The following LEUTX variants were observed in gnomAD, a reference collection of about 807,000 sequenced individuals.
LEUTX encodes the protein leucine twenty homeobox, also known as paired-like homeodomain transcription factor LEUTX.
In LEUTX, 5 loss-of-function variants were observed where a neutral mutation model predicts 4.5. The observed-to-expected ratio is 1.11, with a 90% CI of 0.58 to 2.34. The LOEUF (loss-of-function observed/expected upper bound fraction) is 2.34. LEUTX is among the 30% of genes most tolerant of loss of function. The probability of loss-of-function intolerance (pLI) is 0.01; values close to 1 mark genes in which losing one functional copy is unlikely to be tolerated. For missense variants in LEUTX, 233 were observed against 239.4 expected (o/e 0.97, Z 0.18); for synonymous variants, 89 against 85.1 (o/e 1.05, Z -0.25).
chr19:39,778,272 C>A (rs1319408449), upstream of LEUTX, among the ~76,000 whole-genome samples: 1 of 152,202 alleles, frequency 6.6e-6, no homozygotes, highest in Non-Finnish European at 1.5e-5. Flanking sequence ...GCTGAAAACT[C>A]GTTATGGGCT....
intron 1 of LEUTX, among the ~76,000 whole-genome samples, chr19:39,780,794 A>G (rs753453505): frequency 9.2e-5 from 14 of 152,014 alleles, no homozygotes; most frequent in Non-Finnish European, 1.9e-4. Context: ...TTGATGTATG[A>G]GTGCAATATC....
At chr19:39,780,456 G>A (rs1264547411) in intron 1 of LEUTX, among the ~76,000 whole-genome samples, 1 of 151,938 alleles carries the variant, frequency 6.6e-6, no homozygotes, top group Non-Finnish European at 1.5e-5. Flanking sequence ...TGTGCTCATC[G>A]TGGAATGTCT....
chr19:39,784,793 T>C, intron 2 of LEUTX, 115 bp downstream of exon 2: 1 of 703,228 alleles, frequency 1.4e-6, no homozygotes, highest in South Asian at 2.1e-5. Flanking sequence ...TAAGGACAGA[T>C]GTTAAGCACT....
intron 1 of LEUTX, among the ~76,000 whole-genome samples, chr19:39,780,734 T>C (rs1000831814): frequency 1.3e-5 from 2 of 152,178 alleles, no homozygotes; most frequent in African/African-American, 2.4e-5. Flanking sequence ...TAGCTACTGA[T>C]TTCAAAGAAC....
At chr19:39,778,173 A>C (rs1425232810), upstream of LEUTX, among the ~76,000 whole-genome samples, 1 of 152,182 alleles carries the variant, frequency 6.6e-6, no homozygotes, top group Non-Finnish European at 1.5e-5. Flanking sequence ...AGGTGGAGTA[A>C]ATGAGTAACA....
chr19:39,783,618 C>T (rs895706158), intron 1 of LEUTX, among the ~76,000 whole-genome samples: 2 of 151,940 alleles, frequency 1.3e-5, no homozygotes, highest in African/African-American at 4.8e-5. Context: ...ACACTGCCAC[C>T]AGCAGTGTAG....
At chr19:39,779,625 C>G (rs925157358) in intron 1 of LEUTX, among the ~76,000 whole-genome samples, 5 of 152,084 alleles carry the variant, frequency 3.3e-5, no homozygotes, top group Non-Finnish European at 5.9e-5. Context: ...TTTCAATTTA[C>G]TTATGAGTAC....
At chr19:39,785,044 G>T (rs1160506177) in intron 2 of LEUTX, among the ~76,000 whole-genome samples, 1 of 152,124 alleles carries the variant, frequency 6.6e-6, no homozygotes, top group African/African-American at 2.4e-5. Flanking sequence ...TCATCCAGAT[G>T]CCTGTCACTA....
intron 1 of LEUTX, among the ~76,000 whole-genome samples, chr19:39,782,118 T>C (rs1379531062): frequency 2.0e-5 from 3 of 152,126 alleles, no homozygotes; most frequent in African/African-American, 7.2e-5. Flanking sequence ...TGCCACTGAG[T>C]CTATGACCGG....
chr19:39,786,143 C>T lies in LEUTX; in HGVS notation c.*8C>T. On this transcript the variant is annotated 3_prime_UTR_variant, in exon 3 of 3. Transcript: ENST00000638280. Reference sequence around the variant, plus strand: ...CTCCAATCTTCAGTGTAACTTCTTACACATCACTTCTAGGGGAGGTCTGGA... The same window carrying T: ...CTCCAATCTTCAGTGTAACTTCTTATACATCACTTCTAGGGGAGGTCTGGA... 1 of 1,507,258 alleles carries T rather than the reference C, an allele frequency of 6.6e-7. No individual in the cohort carries two copies. The highest frequency in any genetic ancestry group is 1.3e-5 in the South Asian group (1 of 75,206). The allele number at this position is 1,507,258 out of a possible 1,614,324, so 93.4% of individuals were successfully genotyped here.
rs1967968208 is a variant in LEUTX, at chr19:39,786,045, T to C, written c.507T>C (p.Tyr169=). 1 of 1,551,698 alleles carries C rather than the reference T, an allele frequency of 6.4e-7. No individual in the cohort carries two copies. Among genetic ancestry groups the C allele is most frequent in the African/African-American group, 1.4e-5 (1 of 73,176 alleles). ...AAATAGATGAATTTGTAAAGATCTA[T>C]GACTTGCCAGGGGAAGATGACACCA... is the stretch of plus-strand genomic sequence containing the variant. ...LFEIDEFVKI[Y]DLPGEDDTSS... The change falls in exon 3 of 3, where the codon TAT becomes TAC. Residue 169 remains tyrosine, a synonymous_variant. Transcript: ENST00000638280.
intron 1 of LEUTX, among the ~76,000 whole-genome samples, chr19:39,784,282 G>T (rs1294425386): frequency 1.3e-5 from 2 of 151,884 alleles, no homozygotes; most frequent in Non-Finnish European, 2.9e-5. Flanking sequence ...TTTCTTCTTG[G>T]TTTGGATCCA....
chr19:39,780,852 T>G (rs1469234860), intron 1 of LEUTX, among the ~76,000 whole-genome samples: 1 of 152,002 alleles, frequency 6.6e-6, no homozygotes, highest in African/African-American at 2.4e-5. Flanking sequence ...TTCTTTTTTT[T>G]TGTAATTTTT....
At chr19:39,780,381 T>C (rs1324613099) in intron 1 of LEUTX, among the ~76,000 whole-genome samples, 3 of 152,214 alleles carry the variant, frequency 2.0e-5, no homozygotes, top group African/African-American at 7.2e-5. Context: ...TAGAAGCTTC[T>C]GGAAATTTCT....
Position 39,785,889 on chromosome 19 carries a change from G to A in LEUTX, c.351G>A (p.Glu117=), listed in dbSNP as rs764100102. The change falls in exon 3 of 3, where the codon GAG becomes GAA. Residue 117 remains glutamate (E), a synonymous_variant. Transcript: ENST00000638280. ...ISDANDHDLR[E]PSGIKNPGGA... ...ATGCAAATGACCATGATCTACGTGA[G>A]CCTTCTGGTATCAAGAATCCTGGAG... The A allele has an allele frequency of 1.1e-5, 17 of 1,551,662 alleles. No individual in the cohort carries two copies. Among genetic ancestry groups the A allele is most frequent in the African/African-American group, 1.4e-5 (1 of 73,064 alleles).
intron 1 of LEUTX, among the ~76,000 whole-genome samples, chr19:39,781,924 T>A (rs1177839916): frequency 1.3e-5 from 2 of 152,204 alleles, no homozygotes; most frequent in Non-Finnish European, 2.9e-5. Flanking sequence ...ATGTTATTGT[T>A]AAAGATACGG....
intron 1 of LEUTX, among the ~76,000 whole-genome samples, chr19:39,782,475 C>T (rs1472885579): frequency 6.6e-6 from 1 of 152,154 alleles, no homozygotes; most frequent in Non-Finnish European, 1.5e-5. Context: ...ATTGTGAGGC[C>T]TCCCCAGCCA....
intron 2 of LEUTX, 61 bp from the exon 3 acceptor site, chr19:39,785,637 C>T: frequency 7.5e-7 from 1 of 1,325,402 alleles, no homozygotes; most frequent in Non-Finnish European, 1.0e-6. Context: ...TCCTGAGGAA[C>T]ATGAGGATGC....
chr19:39,784,381 T>C, intron 1 of LEUTX, 146 bp from the exon 2 acceptor site: 1 of 488,178 alleles, frequency 2.0e-6, no homozygotes, highest in Non-Finnish European at 3.6e-6. Context: ...TCCTTCTCAT[T>C]TGTGTAGGCT....
Sources: allele counts gnomAD v4.1 joint callset (sites outside exome capture counted in the v4.1 genomes callset), GRCh38; gene constraint gnomAD v4.1.1; transcripts MANE v1.5; gene names NCBI Gene and HGNC (gene_info 2026-07-23, HGNC 2026-07-21).